Variants in TES observed in about 807,000 individuals in gnomAD.
The protein encoded by TES is testin LIM domain protein.
In TES, 41 loss-of-function variants were observed where a neutral mutation model predicts 48.2. The observed-to-expected ratio is 0.85, with a 90% confidence interval of 0.66 to 1.10. The LOEUF is 1.10. TES is among the 50% of genes least tolerant of loss of function. TES has a pLI of 0.00. For missense variants in TES, 463 were observed against 515.1 expected (o/e 0.90, Z 0.98); for synonymous variants, 162 against 174.9 (o/e 0.93, Z 0.58).
At chr7:116,244,168 A>G (rs916076748) in intron 2 of TES, among the ~76,000 whole-genome samples, 2 of 152,086 alleles carry the variant, frequency 1.3e-5, no homozygotes, top group Non-Finnish European at 2.9e-5. Context: ...ATGTCCTCAC[A>G]TTTCAAAACA....
At chr7:116,248,049 T>C (rs1241638949) in intron 2 of TES, among the ~76,000 whole-genome samples, 3 of 152,230 alleles carry the variant, frequency 2.0e-5, no homozygotes, top group African/African-American at 7.2e-5. Flanking sequence ...CTCCCACTTA[T>C]AAGTGAGAAT....
intron 6 of TES, 25 bp from the exon 7 acceptor site, chr7:116,257,269 C>T (rs763551836): frequency 6.4e-7 from 1 of 1,569,230 alleles, no homozygotes; most frequent in Admixed American, 1.8e-5. Flanking sequence ...CTCTCACCCT[C>T]TTCTCTTGTA....
chr7:116,213,501 TTATTA>T (rs1386154648), intron 1 of TES, among the ~76,000 whole-genome samples: 2 of 152,218 alleles, frequency 1.3e-5, no homozygotes, highest in Non-Finnish European at 2.9e-5. Context: ...AGGACTGTCT[TTATTA>T]AACAGTGATT....
intron 1 of TES, 100 bp downstream of exon 1, chr7:116,210,834 C>T (rs1799427876): frequency 9.2e-7 from 1 of 1,082,306 alleles, no homozygotes; most frequent in Admixed American, 4.5e-5. Flanking sequence ...TCGCGGGCCC[C>T]CCGGTGTGAG....
Position 116,234,566 on chromosome 7 carries a change from C to A in TES, c.60C>A (p.Ala20=), listed in dbSNP as rs375456524. 2 of 1,613,642 alleles carry A rather than the reference C, an allele frequency of 1.2e-6. No homozygotes were observed. The highest frequency in any genetic ancestry group is 2.7e-5 in the African/African-American group (2 of 74,856). The change falls in exon 2 of 7, where the codon GCC becomes GCA. Residue 20 remains alanine, a synonymous_variant. Coordinates refer to ENST00000358204, the MANE Select transcript of TES (RefSeq NM_015641.4). The stretch of plus-strand genomic sequence containing the variant: ...TAGGTCACGAGCAAGGATTTGGAGC[C>A]CCTTGTTTAAAATGCAAAGAAAAAT... ...MGLGHEQGFG[A]PCLKCKEKCE...
intron 2 of TES, among the ~76,000 whole-genome samples, chr7:116,245,239 T>C (rs572425032): frequency 6.3e-4 from 96 of 152,306 alleles, no homozygotes; most frequent in African/African-American, 2.0e-3. Context: ...CTGCAAATTT[T>C]TCAAACTTTT....
chr7:116,213,756 C>T (rs1440564890), intron 1 of TES, among the ~76,000 whole-genome samples: 1 of 152,222 alleles, frequency 6.6e-6, no homozygotes, highest in Non-Finnish European at 1.5e-5. Context: ...AGAATTGATT[C>T]TATGTCCTTG....
At chr7:116,242,703 G>A (rs1035634858) in intron 2 of TES, among the ~76,000 whole-genome samples, 1 of 152,102 alleles carries the variant, frequency 6.6e-6, no homozygotes, top group Non-Finnish European at 1.5e-5. Flanking sequence ...TGTTTCTGAT[G>A]TAGATAAATT....
At chr7:116,257,091 C>A (rs1038739177) in intron 6 of TES, among the ~76,000 whole-genome samples, 4 of 152,156 alleles carry the variant, frequency 2.6e-5, no homozygotes, top group Non-Finnish European at 5.9e-5. Context: ...GGCCTTCACT[C>A]GTTATTTCTC....
At chr7:116,250,536 T>C (rs780355988) in intron 4 of TES, 40 bp downstream of exon 4, 9 of 1,391,532 alleles carry the variant, frequency 6.5e-6, no homozygotes, top group Non-Finnish European at 7.5e-6. Context: ...ATTTGTATAC[T>C]TTACAGAATT....
chr7:116,231,158 G>A (rs1799695176), intron 1 of TES, among the ~76,000 whole-genome samples: 1 of 152,132 alleles, frequency 6.6e-6, no homozygotes, highest in Non-Finnish European at 1.5e-5. Context: ...GAGTAGCTGT[G>A]CAACCAGGAG....
At chr7:116,252,613 G>T (rs1326124926) in intron 6 of TES, 137 bp downstream of exon 6, 1 of 1,265,788 alleles carries the variant, frequency 7.9e-7, no homozygotes, top group Non-Finnish European at 1.1e-6. Flanking sequence ...ACCACAGGGT[G>T]TTAAAATCAA....
At position 116,257,433 on chromosome 7, in the gene TES, T is replaced by C; in HGVS notation, c.1217T>C (p.Val406Ala). The C allele has an allele frequency of 1.2e-6, 2 of 1,613,766 alleles. No homozygotes were observed. Among genetic ancestry groups the C allele is most frequent in the East Asian group, 2.2e-5 (1 of 44,860 alleles). ...KCLIGQKFMP[V>A]EGMVFCSVEC... Reference sequence around the variant, plus strand: ...CTCATTGGGCAGAAGTTCATGCCAGTAGAAGGGATGGTTTTCTGTTCAGTG... The same window carrying C: ...CTCATTGGGCAGAAGTTCATGCCAGCAGAAGGGATGGTTTTCTGTTCAGTG... The change falls in exon 7 of 7, where the codon GTA (valine) becomes GCA (alanine). Residue 406 changes from valine (V) to alanine (A), a missense_variant. Transcript: ENST00000358204.
chr7:116,241,817 G>T (rs959572027), intron 2 of TES, among the ~76,000 whole-genome samples: 2 of 152,094 alleles, frequency 1.3e-5, no homozygotes, highest in African/African-American at 4.8e-5. Flanking sequence ...CTGAGATTGT[G>T]AATTCTTCTA....
At chr7:116,244,167 C>T (rs1799890645) in intron 2 of TES, among the ~76,000 whole-genome samples, 1 of 152,304 alleles carries the variant, frequency 6.6e-6, no homozygotes, top group East Asian at 1.9e-4. Context: ...CATGTCCTCA[C>T]ATTTCAAAAC....
rs1799990733 is a variant in TES, at chr7:116,250,489, C to G, written c.695C>G (p.Thr232Ser). 1 of 1,537,114 alleles carries G rather than the reference C, an allele frequency of 6.5e-7. No individual in the cohort carries two copies. The highest frequency in any genetic ancestry group is 1.3e-5 in the South Asian group (1 of 76,774). Residue 232 changes from threonine (T) to serine (S), a missense_variant, in exon 4 of 7, where the codon ACT becomes AGT. By Grantham distance (58) the Thr-to-Ser change is moderately conservative. Transcript: ENST00000358204. Reference protein sequence around the residue: ...MEDKSAEHKRTQYSCYCCKLS... With the variant: ...MEDKSAEHKRSQYSCYCCKLS... ...GACAAATCTGCTGAGCACAAAAGAA[C>G]TCAATATGTAAGTAGAGTGGTCACA...
chr7:116,251,499 G>A (rs1424844846), intron 4 of TES: 6 of 379,076 alleles, frequency 1.6e-5, no homozygotes, highest in South Asian at 4.8e-5. Flanking sequence ...TGGCTAACAC[G>A]GTGAAACCCC....
chr7:116,255,199 A>C (rs1439705861), intron 6 of TES: 1 of 152,210 alleles, frequency 6.6e-6, no homozygotes, highest in Non-Finnish European at 1.5e-5. Flanking sequence ...TCCTGCAGAG[A>C]GCTCATTACA....
At chr7:116,255,585 A>T (rs752468753) in intron 6 of TES, among the ~76,000 whole-genome samples, 1 of 152,208 alleles carries the variant, frequency 6.6e-6, no homozygotes, top group Non-Finnish European at 1.5e-5. Flanking sequence ...GTAATTGAAC[A>T]TTAGTTATCT....
Sources: gnomAD v4.1 joint callset for allele counts (sites outside exome capture counted in the v4.1 genomes callset) on GRCh38, gnomAD v4.1.1 for gene constraint, MANE v1.5 for transcripts, NCBI Gene and HGNC (gene_info 2026-07-23, HGNC 2026-07-21) for gene names.